Variants in GRID2IP observed in about 807,000 individuals in gnomAD.
The protein encoded by GRID2IP is delphilin.
Under a neutral mutation model 114.3 loss-of-function variants are expected in GRID2IP, and 78 were observed. That is an observed-to-expected ratio of 0.68 (90% CI 0.57 to 0.82). The LOEUF (loss-of-function observed/expected upper bound fraction) is 0.82. GRID2IP is among the 40% of genes least tolerant of loss of function. The probability of loss-of-function intolerance (pLI) is 0.00; values close to 1 mark genes in which losing one functional copy is unlikely to be tolerated. For synonymous variants in GRID2IP, 809 were observed against 724.0 expected (o/e 1.12, Z -1.89); for missense variants, 1,727 against 1,678.5 (o/e 1.03, Z -0.51).
At chr7:6,531,599 C>G (rs1313237681) in intron 2 of GRID2IP, among the ~76,000 whole-genome samples, 1 of 152,204 alleles carries the variant, frequency 6.6e-6, no homozygotes, top group Non-Finnish European at 1.5e-5. Context: ...TCCCCGGGGT[C>G]GGGAGGGACC....
rs574589030 is a variant in GRID2IP, at chr7:6,532,790, C to T, written c.585-6021G>A. Among the ~76,000 whole-genome samples, 17 of 152,342 alleles carry T rather than the reference C, an allele frequency of 1.1e-4. No individual in the cohort carries two copies. In the South Asian group the frequency reaches 2.9e-3, roughly 26 times the overall value. On this transcript the variant is annotated intron_variant, in intron 2 of 21. Coordinates refer to ENST00000457091, the MANE Select transcript of GRID2IP (RefSeq NM_001145118.2). This position sits in a 1 kb window ranked among gnomAD's most constrained non-coding sequence, Gnocchi z 4.4. ...GCCAAAGGCTCTGAAAACCATCCAC[C>T]GTGCTGTGAGCACAGGAGATGCAAC...
intron 7 of GRID2IP, among the ~76,000 whole-genome samples, chr7:6,518,365 A>C (rs1779351024): frequency 6.6e-6 from 1 of 152,238 alleles, no homozygotes; most frequent in Admixed American, 6.5e-5. Flanking sequence ...TCACAAGCAT[A>C]TTAAAAGATG....
Position 6,510,712 on chromosome 7 carries a change from G to A in GRID2IP, c.1556-6C>T, listed in dbSNP as rs368295209. On this transcript the variant is annotated splice_region_variant and splice_polypyrimidine_tract_variant and intron_variant, in intron 9 of 21. Transcript: ENST00000457091. ...CTCAGGGCACTCGCTGGGACCTACC[G>A]GGGAATAATGTCATTACCGTATCTG... The A allele has an allele frequency of 5.1e-5, 79 of 1,547,106 alleles. 1 individual carries two copies. Among genetic ancestry groups the A allele is most frequent in the East Asian group, 2.0e-4 (8 of 40,680 alleles).
intron 7 of GRID2IP, among the ~76,000 whole-genome samples, chr7:6,518,704 C>T (rs1490998834): frequency 6.6e-6 from 1 of 151,876 alleles, no homozygotes; most frequent in Non-Finnish European, 1.5e-5. Context: ...CCACTGTACT[C>T]CAGCCTGATG....
At chr7:6,527,370 T>C (rs1348829947) in intron 2 of GRID2IP, among the ~76,000 whole-genome samples, 1 of 152,172 alleles carries the variant, frequency 6.6e-6, no homozygotes, top group Non-Finnish European at 1.5e-5. Flanking sequence ...ACTCCTTTGC[T>C]TCCTTAGCTA....
At chr7:6,538,130 G>A (rs1271902962) in intron 2 of GRID2IP, among the ~76,000 whole-genome samples, 1 of 152,126 alleles carries the variant, frequency 6.6e-6, no homozygotes, top group South Asian at 2.1e-4. Flanking sequence ...CACTTTGGGA[G>A]GCCATGGTGG....
At position 6,536,898 on chromosome 7, in the gene GRID2IP, C is replaced by A. The variant is rs1779734050; in HGVS notation, c.584+2820G>T. The A allele has an allele frequency of 3.4e-6, 1 of 290,472 alleles. No homozygotes were observed. The allele number at this position is 290,472 out of a possible 1,614,324, so 18.0% of individuals were successfully genotyped here. ...TGCTCCGCTGCAGAGCCGAGAGCTG[C>A]GCCGGGGCTGGGGTGGGCGGGGGGG... On this transcript the variant is annotated intron_variant, in intron 2 of 21. Transcript: ENST00000457091. The surrounding 1 kb of genome is among the most constrained non-coding windows in gnomAD (Gnocchi z 5.3).
rs768233715 is a variant in GRID2IP, at chr7:6,516,116, AT to A, written c.1269-1588del. Among the ~76,000 whole-genome samples, 49,373 of 147,388 alleles carry A rather than the reference AT, an allele frequency of 0.33. 8,314 individuals are homozygous for A. The highest frequency in any genetic ancestry group is 0.4 in the East Asian group (2,032 of 5,122). On this transcript the variant is annotated intron_variant, in intron 7 of 21. Coordinates refer to ENST00000457091, the MANE Select transcript of GRID2IP (RefSeq NM_001145118.2). This position sits in a 1 kb window ranked among gnomAD's most constrained non-coding sequence, Gnocchi z 4.3. The stretch of plus-strand genomic sequence containing the variant: ...CGTCTCAAAATAATAATAATAAAAA[AT>A]AAATAAATAAATAAATAAAAATAAA...
At chr7:6,541,695 C>T (rs1248228650) in intron 1 of GRID2IP, among the ~76,000 whole-genome samples, 3 of 152,108 alleles carry the variant, frequency 2.0e-5, no homozygotes, top group African/African-American at 4.8e-5. Context: ...CAAATGGGCA[C>T]ATTGGAAATG....
intron 9 of GRID2IP, 61 bp downstream of exon 9, chr7:6,510,847 C>G: frequency 6.6e-7 from 1 of 1,517,808 alleles, no homozygotes; most frequent in Non-Finnish European, 8.9e-7. Flanking sequence ...CCTCACCAAG[C>G]CCATTTTGCA....
Position 6,510,897 on chromosome 7 carries a change from A to G in GRID2IP, c.1555+11T>C, listed in dbSNP as rs1156934509. On this transcript the variant is annotated intron_variant, in intron 9 of 21. Transcript: ENST00000457091. ...GCTCCATTCATACCCTCCCCCTGAC[A>G]CCAGCCTTACCGCAGCTGAGGCCGG... The G allele has an allele frequency of 1.3e-6, 2 of 1,549,604 alleles. No homozygotes were observed. Among genetic ancestry groups the G allele is most frequent in the Admixed American group, 2.0e-5 (1 of 50,834 alleles).
intron 2 of GRID2IP, among the ~76,000 whole-genome samples, chr7:6,527,459 A>G (rs897477270): frequency 2.0e-5 from 3 of 152,240 alleles, no homozygotes; most frequent in Non-Finnish European, 4.4e-5. Context: ...TATCTGTGCC[A>G]GCCAGGAACT....
In GRID2IP at chr7:6,507,481, G is replaced by T. The variant is rs117944676; in HGVS notation, c.2544+504C>A. On this transcript the variant is annotated intron_variant, in intron 13 of 21. Coordinates refer to ENST00000457091, the MANE Select transcript of GRID2IP (RefSeq NM_001145118.2). This position sits in a 1 kb window ranked among gnomAD's most constrained non-coding sequence, Gnocchi z 5.3. ...GATTTTAAGGGCCAGAAAGAAAACA[G>T]GGCATGGGAATCCTGGGGAGACAAG... Among the ~76,000 whole-genome samples, 3,516 of 152,276 alleles carry T rather than the reference G, an allele frequency of 0.023. 62 individuals carry two copies. The highest frequency in any genetic ancestry group is 0.055 in the Middle Eastern group (16 of 292).
chr7:6,547,840 C>A (rs1435102428), intron 1 of GRID2IP, among the ~76,000 whole-genome samples: 1 of 152,034 alleles, frequency 6.6e-6, no homozygotes, highest in East Asian at 1.9e-4. Context: ...CTGAAGGAGG[C>A]CAGAGTGGGT....
chr7:6,517,083 C>T (rs1289174498), intron 7 of GRID2IP, among the ~76,000 whole-genome samples: 2 of 149,210 alleles, frequency 1.3e-5, no homozygotes, highest in African/African-American at 4.9e-5. Flanking sequence ...TTGAGACAGT[C>T]TGGCTCTGTC....
chr7:6,526,498 C>T lies in GRID2IP; in HGVS notation c.833+23G>A. 2 of 1,367,186 alleles carry T rather than the reference C, an allele frequency of 1.5e-6. No homozygotes were observed. Among genetic ancestry groups the T allele is most frequent in the Non-Finnish European group, 1.9e-6 (2 of 1,061,542 alleles). The allele number at this position is 1,367,186 out of a possible 1,614,324, so 84.7% of individuals were successfully genotyped here. The stretch of plus-strand genomic sequence containing the variant: ...CCACCCGCAGGGAGGCGCCCGCTGC[C>T]AGTGCCTGTGAGCCCCGCGTACCTG... On this transcript the variant is annotated intron_variant, in intron 3 of 21. Coordinates refer to ENST00000457091, the MANE Select transcript of GRID2IP (RefSeq NM_001145118.2). The surrounding 1 kb of genome is among the most constrained non-coding windows in gnomAD (Gnocchi z 7.6).
chr7:6,498,683 C>T (rs979506228), intron 20 of GRID2IP, among the ~76,000 whole-genome samples: 1 of 149,312 alleles, frequency 6.7e-6, no homozygotes, highest in African/African-American at 2.5e-5. Flanking sequence ...ACCTCCCAGG[C>T]TCAAGTGATC....
intron 7 of GRID2IP, among the ~76,000 whole-genome samples, chr7:6,515,881 G>A (rs1206559693): frequency 4.6e-5 from 7 of 151,898 alleles, no homozygotes; most frequent in Admixed American, 2.0e-4. Context: ...GGTGGATCAC[G>A]AGCTCAGGAG....
chr7:6,516,126 A>C lies in GRID2IP; in HGVS notation c.1269-1597T>G, dbSNP rs989761331. Among the ~76,000 whole-genome samples the C allele has an allele frequency of 6.6e-6, 1 of 150,860 alleles. No individual in the cohort carries two copies. The highest frequency in any genetic ancestry group is 2.4e-5 in the African/African-American group (1 of 41,104). ...TAATAATAATAAAAAATAAATAAAT[A>C]AATAAATAAAAATAAAGTAGGAGAA... is the stretch of plus-strand genomic sequence containing the variant. On this transcript the variant is annotated intron_variant, in intron 7 of 21. Transcript: ENST00000457091. This position sits in a 1 kb window ranked among gnomAD's most constrained non-coding sequence, Gnocchi z 4.3.
Sources: gnomAD v4.1 joint callset for allele counts (sites outside exome capture counted in the v4.1 genomes callset) on GRCh38, gnomAD v4.1.1 for gene constraint, Gnocchi (gnomAD v3.1) non-coding constraint, MANE v1.5 for transcripts, NCBI Gene and HGNC (gene_info 2026-07-23, HGNC 2026-07-21) for gene names.